The following ZSWIM6 variants were observed in gnomAD, a reference collection of about 807,000 sequenced individuals.
ZSWIM6 encodes zinc finger SWIM domain-containing protein 6.
Under a neutral mutation model 113.2 loss-of-function variants are expected in ZSWIM6, and 9 were observed. The ratio of observed to expected loss-of-function variants is 0.08; its 90% CI spans 0.05 to 0.14. The LOEUF is 0.14. ZSWIM6 is among the 10% of genes least tolerant of loss of function. ZSWIM6 has a pLI of 1.00. For synonymous variants in ZSWIM6, 611 were observed against 606.5 expected (o/e 1.01, Z -0.11); for missense variants, 1,162 against 1,552.2 (o/e 0.75, Z 4.22).
chr5:61,440,456 A>G (rs893653859), intron 1 of ZSWIM6, among the ~76,000 whole-genome samples: 2 of 151,896 alleles, frequency 1.3e-5, no homozygotes, highest in African/African-American at 4.8e-5. Context: ...GTTAGTGGAT[A>G]TTTCACATAA....
intron 12 of ZSWIM6, among the ~76,000 whole-genome samples, chr5:61,540,299 T>A (rs1297406236): frequency 5.9e-5 from 9 of 152,220 alleles, no homozygotes. Flanking sequence ...GAGTTCGTCA[T>A]GCAGATAGAT....
intron 2 of ZSWIM6, among the ~76,000 whole-genome samples, chr5:61,481,016 A>C (rs976283987): frequency 6.6e-6 from 1 of 152,168 alleles, no homozygotes; most frequent in African/African-American, 2.4e-5. Flanking sequence ...TGAGAAATCA[A>C]TTTTAACAAA....
chr5:61,486,838 C>G (rs1342980625), intron 2 of ZSWIM6, among the ~76,000 whole-genome samples: 3 of 151,898 alleles, frequency 2.0e-5, no homozygotes, highest in Non-Finnish European at 4.4e-5. Flanking sequence ...GATGTTCGTT[C>G]CTTGTCAGGT....
intron 1 of ZSWIM6, among the ~76,000 whole-genome samples, chr5:61,444,595 A>G (rs1026627755): frequency 1.3e-5 from 2 of 152,178 alleles, no homozygotes; most frequent in African/African-American, 4.8e-5. Flanking sequence ...TTAATATTTT[A>G]TAATTTTCTG....
At chr5:61,342,165 C>T (rs1393539245) in intron 1 of ZSWIM6, among the ~76,000 whole-genome samples, 1 of 152,186 alleles carries the variant, frequency 6.6e-6, no homozygotes, top group Admixed American at 6.5e-5. Flanking sequence ...AGATGTGAGT[C>T]ACCACACCCG....
intron 5 of ZSWIM6, among the ~76,000 whole-genome samples, chr5:61,522,373 G>A (rs1366770735): frequency 6.6e-6 from 1 of 152,100 alleles, no homozygotes; most frequent in African/African-American, 2.4e-5. Flanking sequence ...GAAGCAAGGT[G>A]GGAATTAAAT....
At chr5:61,539,842 T>A in intron 12 of ZSWIM6, 83 bp downstream of exon 12, 2 of 1,346,618 alleles carry the variant, frequency 1.5e-6, no homozygotes, top group Non-Finnish European at 2.0e-6. Flanking sequence ...TTGATTGGAT[T>A]TTTGAGTGCA....
chr5:61,398,970 T>G (rs1337395703), intron 1 of ZSWIM6, among the ~76,000 whole-genome samples: 1 of 133,202 alleles, frequency 7.5e-6, no homozygotes, highest in Non-Finnish European at 1.6e-5. Flanking sequence ...TCACCCAGGC[T>G]GGAGTGCAGT....
At chr5:61,443,198 A>G (rs1316394331) in intron 1 of ZSWIM6, among the ~76,000 whole-genome samples, 1 of 152,230 alleles carries the variant, frequency 6.6e-6, no homozygotes, top group Non-Finnish European at 1.5e-5. Context: ...AGAAGAAGCA[A>G]AGCAAAACAA....
intron 1 of ZSWIM6, among the ~76,000 whole-genome samples, chr5:61,346,954 G>T (rs1488615041): frequency 1.3e-5 from 2 of 152,068 alleles, no homozygotes; most frequent in African/African-American, 2.4e-5. Flanking sequence ...TTTTAAAAAA[G>T]TACAGATTCA....
chr5:61,475,472 A>C (rs1747686635), intron 2 of ZSWIM6, among the ~76,000 whole-genome samples: 1 of 152,224 alleles, frequency 6.6e-6, no homozygotes, highest in African/African-American at 2.4e-5. Context: ...AAAATAGGAA[A>C]GCCTATCAAG....
At position 61,406,373 on chromosome 5, in the gene ZSWIM6, A is replaced by G. The variant is rs144191605; in HGVS notation, c.677-66308A>G. Among the ~76,000 whole-genome samples, 29 of 152,314 alleles carry G rather than the reference A, an allele frequency of 1.9e-4. 1 individual carries two copies. The East Asian group carries it at 5.6e-3, about 29-fold the overall frequency. On this transcript the variant is annotated intron_variant, in intron 1 of 13. Transcript: ENST00000252744. ...CATAAATGTGAAGCCTAGAAATTTT[A>G]TAGGGACCTGGTGTAGTAATCCCTA...
intron 1 of ZSWIM6, among the ~76,000 whole-genome samples, chr5:61,349,264 G>C (rs921285672): frequency 2.6e-5 from 4 of 152,042 alleles, no homozygotes; most frequent in African/African-American, 9.7e-5. Context: ...GAATCTGCTA[G>C]TTTGAAAAAA....
intron 1 of ZSWIM6, among the ~76,000 whole-genome samples, chr5:61,433,363 A>T (rs1400515957): frequency 1.3e-5 from 2 of 151,590 alleles, no homozygotes; most frequent in South Asian, 4.2e-4. Context: ...TTGTGTGTGC[A>T]TGTGTGTGTG....
intron 1 of ZSWIM6, among the ~76,000 whole-genome samples, chr5:61,429,315 T>C (rs1473608232): frequency 6.6e-6 from 1 of 152,230 alleles, no homozygotes; most frequent in Non-Finnish European, 1.5e-5. Flanking sequence ...GTGGCGATGC[T>C]TAATTCAAGC....
chr5:61,435,307 T>C (rs1746682292), intron 1 of ZSWIM6, among the ~76,000 whole-genome samples: 1 of 152,234 alleles, frequency 6.6e-6, no homozygotes, highest in African/African-American at 2.4e-5. Context: ...TTTAAAGTTT[T>C]TGACCACAGC....
At chr5:61,359,410 C>G (rs1304886579) in intron 1 of ZSWIM6, among the ~76,000 whole-genome samples, 1 of 152,082 alleles carries the variant, frequency 6.6e-6, no homozygotes, top group Non-Finnish European at 1.5e-5. Flanking sequence ...GCTCTCCTCC[C>G]CTTTAAAAAA....
chr5:61,390,969 AT>A (rs1745695636), intron 1 of ZSWIM6: 1 of 757,832 alleles, frequency 1.3e-6, no homozygotes, highest in African/African-American at 1.7e-5. Flanking sequence ...CAGTGGAGGC[AT>A]TGTTCTTGAT....
At chr5:61,363,531 A>G (rs1745076470) in intron 1 of ZSWIM6, among the ~76,000 whole-genome samples, 1 of 152,174 alleles carries the variant, frequency 6.6e-6, no homozygotes, top group Admixed American at 6.5e-5. Flanking sequence ...TTTAGACTCA[A>G]CATATTTTCT....
Sources: gnomAD v4.1 joint callset for allele counts (sites outside exome capture counted in the v4.1 genomes callset) on GRCh38, gnomAD v4.1.1 for gene constraint, MANE v1.5 for transcripts, NCBI Gene and HGNC (gene_info 2026-07-23, HGNC 2026-07-21) for gene names.